Variants in PHACTR1 observed in about 807,000 individuals in gnomAD.
PHACTR1 encodes RPEL repeat containing 1.
In PHACTR1, 16 loss-of-function variants were observed where a neutral mutation model predicts 69.2. The ratio of observed to expected loss-of-function variants is 0.23; its 90% CI spans 0.16 to 0.35. The LOEUF is 0.35. PHACTR1 is among the 10% of genes least tolerant of loss of function. PHACTR1 has a pLI of 1.00. For synonymous variants in PHACTR1, 312 were observed against 284.5 expected, an observed-to-expected ratio of 1.10 and a Z score of -0.97; for missense variants, 510 against 734.7, an observed-to-expected ratio of 0.69 and a Z score of 3.54.
intron 4 of PHACTR1, among the ~76,000 whole-genome samples, chr6:12,778,624 A>G (rs1221655473): frequency 6.6e-6 from 1 of 152,234 alleles, no homozygotes; most frequent in East Asian, 1.9e-4. Context: ...AATCCCTTAG[A>G]TAATGTGGAG....
At chr6:13,170,869 C>A (rs1475912748) in intron 6 of PHACTR1, among the ~76,000 whole-genome samples, 1 of 152,210 alleles carries the variant, frequency 6.6e-6, no homozygotes, top group Admixed American at 6.5e-5. Flanking sequence ...CAGGCCCAAG[C>A]CTGCTTGATT....
Position 13,179,435 on chromosome 6 carries a change from TGTGTGTGTG to T in PHACTR1, c.497-3083_497-3075del. ...GTGTGTGTGTGTGTGTGTGTGTGTG[TGTGTGTGTG>T]TTTAAAAATGTCATAATAAAAAATT... On this transcript the variant is annotated intron_variant, in intron 6 of 14. Coordinates refer to ENST00000332995, the MANE Select transcript of PHACTR1 (RefSeq NM_030948.6). The surrounding 1 kb of genome is among the most constrained non-coding windows in gnomAD (Gnocchi z 4.2). Among the ~76,000 whole-genome samples the T allele has an allele frequency of 6.6e-6, 1 of 151,738 alleles. No homozygotes were observed. Among genetic ancestry groups the T allele is most frequent in the South Asian group, 2.1e-4 (1 of 4,806 alleles).
chr6:12,940,503 T>G (rs1582604062), intron 4 of PHACTR1, among the ~76,000 whole-genome samples: 1 of 152,210 alleles, frequency 6.6e-6, no homozygotes, highest in East Asian at 1.9e-4. Flanking sequence ...TGCTTTATGA[T>G]GTTTGCCCCA....
At chr6:13,081,437 C>G (rs1811359945) in intron 5 of PHACTR1, among the ~76,000 whole-genome samples, 1 of 152,174 alleles carries the variant, frequency 6.6e-6, no homozygotes, top group African/African-American at 2.4e-5. Context: ...TGTATCTGTT[C>G]TGTTAGCAAA....
chr6:13,139,215 G>C (rs2113316536), intron 5 of PHACTR1, among the ~76,000 whole-genome samples: 1 of 151,752 alleles, frequency 6.6e-6, no homozygotes, highest in East Asian at 1.9e-4. Context: ...CTACAACAGG[G>C]GTTAACAAAC....
At chr6:12,805,290 T>G (rs192586777) in intron 4 of PHACTR1, among the ~76,000 whole-genome samples, 1 of 152,348 alleles carries the variant, frequency 6.6e-6, no homozygotes, top group East Asian at 1.9e-4. Flanking sequence ...TTAAAATAAA[T>G]GTCTTCTAAA....
At position 12,857,864 on chromosome 6, in the gene PHACTR1, C is replaced by A. The variant is rs572748719; in HGVS notation, c.250+108074C>A. ...TCAACCAAAGTCTACAGAAATGAAACAAGGGATTTGTAGTCACAAGATCTG... is the reference window on the plus strand; with the variant it reads ...TCAACCAAAGTCTACAGAAATGAAAAAAGGGATTTGTAGTCACAAGATCTG... On this transcript the variant is annotated intron_variant, in intron 4 of 14. Transcript: ENST00000332995. Among the ~76,000 whole-genome samples the A allele has an allele frequency of 4.6e-5, 7 of 152,214 alleles. No homozygotes were observed. In the South Asian group the frequency reaches 1.4e-3, roughly 32 times the overall value.
intron 5 of PHACTR1, among the ~76,000 whole-genome samples, chr6:13,076,931 C>T (rs1453962843): frequency 2.6e-5 from 3 of 113,282 alleles, no homozygotes; most frequent in African/African-American, 1.1e-4. Flanking sequence ...ATATCACACT[C>T]TGGGGACTGC....
chr6:12,901,381 A>C (rs1365565435), intron 4 of PHACTR1, among the ~76,000 whole-genome samples: 1 of 152,224 alleles, frequency 6.6e-6, no homozygotes. Context: ...AATGTGATCC[A>C]AAAAGCTAAT....
intron 4 of PHACTR1, among the ~76,000 whole-genome samples, chr6:12,969,308 T>C (rs1793878573): frequency 6.6e-6 from 1 of 152,214 alleles, no homozygotes; most frequent in African/African-American, 2.4e-5. Flanking sequence ...TTGACTTCTC[T>C]AGTAAAAGCC....
chr6:12,988,740 A>T (rs1319886120), intron 4 of PHACTR1, among the ~76,000 whole-genome samples: 1 of 152,190 alleles, frequency 6.6e-6, no homozygotes, highest in Non-Finnish European at 1.5e-5. Context: ...TCATGTTCGA[A>T]TTTCAGCACC....
intron 4 of PHACTR1, among the ~76,000 whole-genome samples, chr6:12,827,323 G>A (rs917665591): frequency 6.6e-6 from 1 of 152,146 alleles, no homozygotes; most frequent in African/African-American, 2.4e-5. Context: ...TTGCAAAAAT[G>A]ATGAAAGCTC....
At chr6:13,014,971 G>A (rs890879767) in intron 4 of PHACTR1, among the ~76,000 whole-genome samples, 2 of 152,226 alleles carry the variant, frequency 1.3e-5, no homozygotes, top group African/African-American at 2.4e-5. Flanking sequence ...GCAGCTCACC[G>A]AACAGGCTCT....
At chr6:12,821,875 G>A (rs1776265365) in intron 4 of PHACTR1, among the ~76,000 whole-genome samples, 1 of 152,182 alleles carries the variant, frequency 6.6e-6, no homozygotes, top group African/African-American at 2.4e-5. Context: ...CCAGATATGT[G>A]AGCAAATGAC....
intron 10 of PHACTR1, 175 bp from the exon 11 acceptor site, chr6:13,272,685 G>T: frequency 6.5e-7 from 1 of 1,536,698 alleles, no homozygotes; most frequent in Non-Finnish European, 8.8e-7. Context: ...CCTCTCCTGG[G>T]CTTGAAATTG....
chr6:13,286,239 T>C lies in PHACTR1; in HGVS notation c.1727+17T>C. On this transcript the variant is annotated intron_variant, in intron 14 of 14. Transcript: ENST00000332995. The stretch of plus-strand genomic sequence containing the variant: ...CTTAACAAGGTTAGTATTAAGGGTT[T>C]TTTTTTTCCTTTTTTTCCCTCAAGT... 2 of 1,531,472 alleles carry C rather than the reference T, an allele frequency of 1.3e-6. No individual in the cohort carries two copies. Among genetic ancestry groups the C allele is most frequent in the Admixed American group, 2.4e-5 (1 of 42,088 alleles). 94.9% of individuals were successfully genotyped at this position (1,531,472 alleles called of 1,614,324 possible).
intron 4 of PHACTR1, among the ~76,000 whole-genome samples, chr6:12,808,233 C>T (rs558209899): frequency 7.9e-5 from 12 of 152,152 alleles, no homozygotes; most frequent in Non-Finnish European, 1.6e-4. Flanking sequence ...ATTCTTTATC[C>T]GTCTCTTAAA....
chr6:13,251,024 A>G (rs1472365425), intron 10 of PHACTR1, among the ~76,000 whole-genome samples: 3 of 152,028 alleles, frequency 2.0e-5, no homozygotes, highest in Non-Finnish European at 4.4e-5. Flanking sequence ...CACACAATCA[A>G]TCTTCTGATC....
intron 6 of PHACTR1, among the ~76,000 whole-genome samples, chr6:13,170,354 C>T (rs915892505): frequency 6.6e-6 from 1 of 152,196 alleles, no homozygotes; most frequent in Non-Finnish European, 1.5e-5. Context: ...GGAATATCCA[C>T]CATGAAACCA....
Sources: allele counts gnomAD v4.1 joint callset (sites outside exome capture counted in the v4.1 genomes callset), GRCh38; gene constraint gnomAD v4.1.1; non-coding constraint Gnocchi (gnomAD v3.1); transcripts MANE v1.5; gene names NCBI Gene and HGNC (gene_info 2026-07-23, HGNC 2026-07-21).